The following CAMK1D variants were observed in gnomAD, a reference collection of about 807,000 sequenced individuals.
CAMK1D encodes calcium/calmodulin dependent protein kinase ID, also known as calcium/calmodulin-dependent protein kinase type 1D.
CAMK1D carries 9 observed loss-of-function variants against 47.7 expected under a neutral mutation model. The ratio of observed to expected loss-of-function variants is 0.19; its 90% CI spans 0.11 to 0.33. The LOEUF (loss-of-function observed/expected upper bound fraction) is 0.33, where lower values mean the gene tolerates loss of function less well. Ranked by LOEUF, CAMK1D falls within the 10% of genes least tolerant of loss-of-function variation. The pLI, the probability that CAMK1D is intolerant of heterozygous loss-of-function variation, is 1.00. For missense variants in CAMK1D, 291 were observed against 488.7 expected, an observed-to-expected ratio of 0.60 and a Z score of 3.81; for synonymous variants, 184 against 184.9, an observed-to-expected ratio of 0.99 and a Z score of 0.04.
chr10:12,542,280 TG>T lies in CAMK1D; in HGVS notation c.93-10939del, dbSNP rs552258853. 2.7e-3 allele frequency among the ~76,000 whole-genome samples: 404 copies of T among 152,240 alleles called. 2 individuals carry two copies. The highest frequency in any genetic ancestry group is 8.9e-3 in the African/African-American group (370 of 41,548). On this transcript the variant is annotated intron_variant, in intron 1 of 10. Coordinates refer to ENST00000619168, the MANE Select transcript of CAMK1D (RefSeq NM_153498.4). ...AACATTTTAATTTATGGTCGGAGGC[TG>T]GGGGGTAACGTCTGCAGGCCCAGTT...
At chr10:12,584,733 T>C (rs1447260403) in intron 2 of CAMK1D, among the ~76,000 whole-genome samples, 1 of 151,986 alleles carries the variant, frequency 6.6e-6, no homozygotes, top group Non-Finnish European at 1.5e-5. Flanking sequence ...GGTGGGAGGG[T>C]AGCTTGAGCC....
At chr10:12,738,589 T>C (rs907987934) in intron 3 of CAMK1D, among the ~76,000 whole-genome samples, 1 of 152,110 alleles carries the variant, frequency 6.6e-6, no homozygotes, top group Admixed American at 6.5e-5. Context: ...TCCCAGCACT[T>C]TGGGAGGCTG....
chr10:12,613,158 G>A lies in CAMK1D; in HGVS notation c.225-53578G>A, dbSNP rs542801922. ...ATAGCATCCTTAAGCTCTTCTTCTAGCAATCTCAAGGCTCCAGGAAACTTT... is the reference window on the plus strand; with the variant it reads ...ATAGCATCCTTAAGCTCTTCTTCTAACAATCTCAAGGCTCCAGGAAACTTT... On this transcript the variant is annotated intron_variant, in intron 2 of 10. Transcript: ENST00000619168. Among the ~76,000 whole-genome samples the A allele has an allele frequency of 5.9e-5, 9 of 152,262 alleles. No homozygotes were observed. In the East Asian group the frequency reaches 9.6e-4, roughly 16 times the overall value.
intron 1 of CAMK1D, among the ~76,000 whole-genome samples, chr10:12,396,925 A>G (rs1838983064): frequency 6.6e-6 from 1 of 152,170 alleles, no homozygotes; most frequent in Non-Finnish European, 1.5e-5. Flanking sequence ...TTTATGCACC[A>G]TCTCTGTGTT....
chr10:12,586,346 G>A (rs1192309482), intron 2 of CAMK1D, among the ~76,000 whole-genome samples: 1 of 151,650 alleles, frequency 6.6e-6, no homozygotes, highest in Non-Finnish European at 1.5e-5. Flanking sequence ...ATACTTGGGC[G>A]GCTGAGGCAG....
intron 4 of CAMK1D, among the ~76,000 whole-genome samples, chr10:12,766,946 C>G (rs369746253): frequency 6.6e-6 from 1 of 152,126 alleles, no homozygotes; most frequent in East Asian, 1.9e-4. Context: ...TTGGTGAGTT[C>G]TGAAAATTTC....
intron 1 of CAMK1D, among the ~76,000 whole-genome samples, chr10:12,511,949 A>G (rs1835054459): frequency 6.6e-6 from 1 of 152,216 alleles, no homozygotes. Flanking sequence ...GAACGAGTTC[A>G]CCCACAGTGT....
chr10:12,421,402 A>G (rs1588467405), intron 1 of CAMK1D, among the ~76,000 whole-genome samples: 2 of 151,328 alleles, frequency 1.3e-5, no homozygotes, highest in African/African-American at 2.4e-5. Flanking sequence ...CCCTAGCCGC[A>G]GTATAGCTGA....
intron 1 of CAMK1D, among the ~76,000 whole-genome samples, chr10:12,493,289 T>C (rs568110551): frequency 5.9e-5 from 9 of 152,092 alleles, no homozygotes; most frequent in Non-Finnish European, 1.2e-4. Context: ...AGGATTACCT[T>C]TGGGGTGCTC....
Position 12,710,415 on chromosome 10 carries a change from T to G in CAMK1D, c.299+43605T>G, listed in dbSNP as rs146444411. Reference sequence around the variant, plus strand: ...TTGAGCATCTATTATATGCTAGAAATGACATGAGCTATGGAAAATATGAAC... The same window carrying G: ...TTGAGCATCTATTATATGCTAGAAAGGACATGAGCTATGGAAAATATGAAC... On this transcript the variant is annotated intron_variant, in intron 3 of 10. Transcript: ENST00000619168. Among the ~76,000 whole-genome samples the G allele has an allele frequency of 1.7e-3, 266 of 152,304 alleles. 1 individual carries two copies. The highest frequency in any genetic ancestry group is 0.017 in the East Asian group (90 of 5,186).
chr10:12,624,729 C>CATTT (rs758160479), intron 2 of CAMK1D, among the ~76,000 whole-genome samples: 22 of 152,310 alleles, frequency 1.4e-4, no homozygotes, highest in Non-Finnish European at 2.6e-4. Flanking sequence ...TAGAGAAATA[C>CATTT]ATTTCATTTT....
intron 6 of CAMK1D, among the ~76,000 whole-genome samples, chr10:12,803,772 T>C (rs1261878446): frequency 6.6e-6 from 1 of 152,198 alleles, no homozygotes; most frequent in Non-Finnish European, 1.5e-5. Context: ...TTCAGCTCCC[T>C]GGGACTCACT....
chr10:12,731,663 AAGGGAGCAAG>A (rs1156249332), intron 3 of CAMK1D, among the ~76,000 whole-genome samples: 1 of 152,192 alleles, frequency 6.6e-6, no homozygotes, highest in East Asian at 1.9e-4. Context: ...TGTGGAATCT[AAGGGAGCAAG>A]AGGGAGCAAG....
At chr10:12,531,279 G>A (rs982823241) in intron 1 of CAMK1D, among the ~76,000 whole-genome samples, 4 of 152,124 alleles carry the variant, frequency 2.6e-5, no homozygotes, top group African/African-American at 4.8e-5. Context: ...TCAGAAATAC[G>A]TAGTATATAT....
chr10:12,648,501 C>T (rs143979284), intron 2 of CAMK1D, among the ~76,000 whole-genome samples: 13 of 152,264 alleles, frequency 8.5e-5, no homozygotes, highest in Middle Eastern at 3.4e-3. Flanking sequence ...GATGGAGTTT[C>T]GCTCTTTCAT....
At chr10:12,416,425 A>G (rs560993546) in intron 1 of CAMK1D, among the ~76,000 whole-genome samples, 18 of 152,344 alleles carry the variant, frequency 1.2e-4, no homozygotes, top group Non-Finnish European at 2.6e-4. Context: ...CTGGTTGCAC[A>G]TAAAATTTAG....
intron 2 of CAMK1D, among the ~76,000 whole-genome samples, chr10:12,658,328 G>T (rs1271610341): frequency 2.0e-5 from 3 of 152,086 alleles, no homozygotes; most frequent in African/African-American, 7.2e-5. Flanking sequence ...TGGCTGGGGA[G>T]GGCGGGGTGT....
chr10:12,758,965 G>C (rs1340844478), intron 3 of CAMK1D, among the ~76,000 whole-genome samples: 3 of 152,218 alleles, frequency 2.0e-5, no homozygotes, highest in Non-Finnish European at 4.4e-5. Context: ...CCTTCAGAGT[G>C]AAAGCTGCCT....
chr10:12,694,789 C>T (rs1833195293), intron 3 of CAMK1D, among the ~76,000 whole-genome samples: 2 of 151,328 alleles, frequency 1.3e-5, no homozygotes, highest in South Asian at 4.2e-4. Flanking sequence ...AAGGAACAGG[C>T]ATTAGATTAC....
Sources: allele counts gnomAD v4.1 joint callset (sites outside exome capture counted in the v4.1 genomes callset), GRCh38; gene constraint gnomAD v4.1.1; transcripts MANE v1.5; gene names NCBI Gene and HGNC (gene_info 2026-07-23, HGNC 2026-07-21).